Variants in TMEM268 observed in about 807,000 individuals in gnomAD.
TMEM268 encodes the protein transmembrane protein 268, also known as transmembrane protein C9orf91.
In TMEM268, 24 loss-of-function variants were observed where a neutral mutation model predicts 39.1. The observed-to-expected ratio is 0.61, with a 90% confidence interval of 0.44 to 0.86. TMEM268 has a LOEUF of 0.86. Among genes scored for constraint, TMEM268 ranks in the 40% least tolerant of loss-of-function variants. The pLI, the probability that TMEM268 is intolerant of heterozygous loss-of-function variation, is 0.00. For missense variants in TMEM268, 409 were observed against 428.6 expected, an observed-to-expected ratio of 0.95 and a Z score of 0.40; for synonymous variants, 176 against 173.5, an observed-to-expected ratio of 1.01 and a Z score of -0.12.
At chr9:114,630,279 T>TCCATCCATCCATCC (rs1554758354) in intron 5 of TMEM268, among the ~76,000 whole-genome samples, 6,085 of 148,168 alleles carry the variant, frequency 0.041, 167 homozygotes, top group Admixed American at 0.061. Flanking sequence ...AATATATATC[T>TCCATCCATCCATCC]ATCCATCCAT....
intron 8 of TMEM268, 139 bp from the exon 9 acceptor site, chr9:114,642,995 A>G: frequency 2.5e-6 from 2 of 810,056 alleles, no homozygotes; most frequent in South Asian, 1.7e-5. Flanking sequence ...CTAGGTGCTG[A>G]CCTGGCCTGG....
chr9:114,615,078 G>A (rs557857976), intron 1 of TMEM268, among the ~76,000 whole-genome samples: 1 of 151,856 alleles, frequency 6.6e-6, no homozygotes, highest in African/African-American at 2.4e-5. Flanking sequence ...TGTATTTTTA[G>A]TAGAGACGGG....
In TMEM268 at chr9:114,628,919, G is replaced by T. The variant is rs776024080; in HGVS notation, c.474+669G>T. On this transcript the variant is annotated intron_variant, in intron 5 of 8. Coordinates refer to ENST00000288502, the MANE Select transcript of TMEM268 (RefSeq NM_153045.4). ...CTCTTCAGTGTCTGTCTTTTGATAT[G>T]TACTGAGCACATCATATGTAGTAGG... 3.8e-4 allele frequency among the ~76,000 whole-genome samples: 58 copies of T among 152,172 alleles called. 2 individuals are homozygous for T. The highest frequency in any genetic ancestry group is 1.5e-4 in the Non-Finnish European group (10 of 68,042).
chr9:114,644,336 C>T lies in TMEM268; in HGVS notation c.*1023C>T, dbSNP rs758319115. The T allele has an allele frequency of 5.2e-5, 8 of 152,398 alleles. No individual in the cohort carries two copies. Among genetic ancestry groups the T allele is most frequent in the Non-Finnish European group, 8.8e-5 (6 of 68,062 alleles). The allele number at this position is 152,398 out of a possible 1,614,324, so 9.4% of individuals were successfully genotyped here. A position where few individuals can be genotyped will look rare whatever the true frequency, so the allele number is the denominator to read the frequency against. On this transcript the variant is annotated 3_prime_UTR_variant, in exon 9 of 9. Coordinates refer to ENST00000288502, the MANE Select transcript of TMEM268 (RefSeq NM_153045.4). ...TCTTTCCTGGACTGACATACCTATT[C>T]CTTTCCATTTGTTGGACTCCTATTC...
intron 1 of TMEM268, among the ~76,000 whole-genome samples, chr9:114,614,521 T>C (rs1218982783): frequency 6.6e-6 from 1 of 152,246 alleles, no homozygotes; most frequent in African/African-American, 2.4e-5. Context: ...GTTTAAAGTA[T>C]TGAGAGAAGT....
chr9:114,640,478 A>T (rs1846857072), intron 8 of TMEM268, among the ~76,000 whole-genome samples: 1 of 152,182 alleles, frequency 6.6e-6, no homozygotes, highest in African/African-American at 2.4e-5. Context: ...ATACTCTTCG[A>T]GGTATGAATT....
At chr9:114,620,379 G>A (rs1030715182) in intron 2 of TMEM268, among the ~76,000 whole-genome samples, 2 of 151,916 alleles carry the variant, frequency 1.3e-5, no homozygotes, top group Non-Finnish European at 2.9e-5. Flanking sequence ...CGAGTAGCTG[G>A]GACGACAGGC....
rs773418723 is a variant in TMEM268, at chr9:114,643,223, A to G, written c.939A>G (p.Arg313=). Residue 313 remains arginine, a synonymous_variant, in exon 9 of 9, where the codon CGA becomes CGG. Coordinates refer to ENST00000288502, the MANE Select transcript of TMEM268 (RefSeq NM_153045.4). The stretch of plus-strand genomic sequence containing the variant: ...AGCTCCCTCAGGCAATGGGGACACG[A>G]CACACGAACTCTCCGAGAATTCCAT... ...TSQLPQAMGT[R]HTNSPRIPCP... is the part of the protein sequence containing the mutation. 2 of 1,614,146 alleles carry G rather than the reference A, an allele frequency of 1.2e-6. No individual in the cohort carries two copies. The highest frequency in any genetic ancestry group is 3.3e-5 in the Admixed American group (2 of 60,012).
intron 1 of TMEM268, among the ~76,000 whole-genome samples, chr9:114,614,751 C>T (rs1429195487): frequency 1.3e-5 from 2 of 152,112 alleles, no homozygotes; most frequent in Non-Finnish European, 2.9e-5. Flanking sequence ...GGGACATAAG[C>T]CTGATTTTCC....
At chr9:114,638,446 C>A in intron 7 of TMEM268, 98 bp from the exon 8 acceptor site, 1 of 877,742 alleles carries the variant, frequency 1.1e-6, no homozygotes, top group South Asian at 2.2e-5. Context: ...AGTCTGAGAC[C>A]TCATCTTCTG....
At chr9:114,627,411 G>GTA (rs750073576) in intron 4 of TMEM268, among the ~76,000 whole-genome samples, 47 of 151,930 alleles carry the variant, frequency 3.1e-4, no homozygotes, top group South Asian at 1.5e-3. Context: ...ATACACATAT[G>GTA]TATATATATA....
At chr9:114,631,490 T>C (rs533841462) in intron 5 of TMEM268, among the ~76,000 whole-genome samples, 65 of 152,328 alleles carry the variant, frequency 4.3e-4, no homozygotes, top group African/African-American at 1.5e-3. Flanking sequence ...CTTTCAATTA[T>C]TCTACATGGA....
rs546711137 is a variant in TMEM268, at chr9:114,624,136, G to A, written c.107-214G>A. On this transcript the variant is annotated intron_variant, in intron 2 of 8. Transcript: ENST00000288502. ...ATATGGTCTCACATTGTGGTCCTAG[G>A]AGCCTCCTCCCTCTGGCCTTAATTC... 4 of 1,000,796 alleles carry A rather than the reference G, an allele frequency of 4.0e-6. No individual in the cohort carries two copies. The African/African-American group carries it at 5.0e-5, about 12-fold the overall frequency. 62.0% of individuals were successfully genotyped at this position (1,000,796 alleles called of 1,614,324 possible).
Position 114,638,752 on chromosome 9 carries a change from G to T in TMEM268, c.849+26G>T, listed in dbSNP as rs776019577. Reference sequence around the variant, plus strand: ...GTAACAGGCACTGGGGCTTGTTGGGGCCATCTTCCCTCGGGGGAATTTGCA... The same window carrying T: ...GTAACAGGCACTGGGGCTTGTTGGGTCCATCTTCCCTCGGGGGAATTTGCA... On this transcript the variant is annotated intron_variant, in intron 8 of 8. Coordinates refer to ENST00000288502, the MANE Select transcript of TMEM268 (RefSeq NM_153045.4). 30 of 1,506,954 alleles carry T rather than the reference G, an allele frequency of 2.0e-5. No individual in the cohort carries two copies. The Middle Eastern group carries it at 5.6e-4, about 28-fold the overall frequency. 93.3% of individuals were successfully genotyped at this position (1,506,954 alleles called of 1,614,324 possible).
chr9:114,609,687 CAGAAAAAGAAAA>C (rs71300692), upstream of TMEM268, among the ~76,000 whole-genome samples: 2,876 of 100,964 alleles, frequency 0.028, 77 homozygotes, highest in East Asian at 0.1. Flanking sequence ...GACCCTGTCT[CAGAAAAAGAAAA>C]AGAAAAAGAA....
chr9:114,622,051 G>A (rs1564288087), intron 2 of TMEM268: 3 of 984,044 alleles, frequency 3.0e-6, no homozygotes, highest in East Asian at 2.3e-4. Flanking sequence ...CAAGGGAGAG[G>A]TGAGGATGCC....
intron 5 of TMEM268, among the ~76,000 whole-genome samples, chr9:114,630,998 T>G (rs1385085005): frequency 2.0e-5 from 3 of 152,156 alleles, no homozygotes; most frequent in African/African-American, 7.2e-5. Context: ...TCCCTTTGGC[T>G]CACTGTTAGC....
intron 2 of TMEM268, among the ~76,000 whole-genome samples, chr9:114,621,185 T>TA (rs995300429): frequency 4.7e-5 from 7 of 148,930 alleles, no homozygotes; most frequent in South Asian, 2.1e-4. Flanking sequence ...AATAAAAAAT[T>TA]AAAAAAAAAA....
rs1466288568 is a variant in TMEM268 at position 114,626,990 on chromosome 9, G to A, written c.308G>A (p.Arg103Gln). ...RYIIYNSRPM[R>Q]LAFAVVFYVV... ...ATCATCTACAACTCGAGGCCTATGC[G>A]GCTGGCCTTTGCTGTGGTAAGGGGG... is the stretch of plus-strand genomic sequence containing the variant. Residue 103 changes from arginine to glutamine, a missense_variant, in exon 4 of 9, where the codon CGG becomes CAG. Transcript: ENST00000288502. The A allele has an allele frequency of 4.3e-6, 7 of 1,612,210 alleles. No individual in the cohort carries two copies. The highest frequency in any genetic ancestry group is 1.7e-5 in the Admixed American group (1 of 59,988).
Sources: gnomAD v4.1 joint callset for allele counts (sites outside exome capture counted in the v4.1 genomes callset) on GRCh38, gnomAD v4.1.1 for gene constraint, MANE v1.5 for transcripts, NCBI Gene and HGNC (gene_info 2026-07-23, HGNC 2026-07-21) for gene names.